NELL2: variants seen among roughly 807,000 people sequenced by gnomAD.
NELL2 encodes the protein neural EGFL like 2.
Under a neutral mutation model 109.6 loss-of-function variants are expected in NELL2, and 41 were observed. That is an observed-to-expected ratio of 0.37 (90% CI 0.29 to 0.49). NELL2 has a LOEUF of 0.49. NELL2 is among the 20% of genes least tolerant of loss of function. NELL2 has a pLI of 0.98. For missense variants in NELL2, 900 were observed against 1,008.3 expected (o/e 0.89, Z 1.45); for synonymous variants, 355 against 344.7 (o/e 1.03, Z -0.33).
intron 9 of NELL2, among the ~76,000 whole-genome samples, chr12:44,767,743 A>G (rs1941394102): frequency 6.6e-6 from 1 of 152,166 alleles, no homozygotes. Flanking sequence ...ACAAAAAAAC[A>G]AAGTTCAGGA....
intron 19 of NELL2, among the ~76,000 whole-genome samples, chr12:44,512,735 A>ATG (rs1342090638): frequency 6.6e-6 from 1 of 152,086 alleles, no homozygotes; most frequent in African/African-American, 2.4e-5. Context: ...TACATACTAC[A>ATG]TGTTCTCTCT....
At chr12:44,519,484 T>C (rs1941421196) in intron 19 of NELL2, among the ~76,000 whole-genome samples, 1 of 152,206 alleles carries the variant, frequency 6.6e-6, no homozygotes, top group Non-Finnish European at 1.5e-5. Context: ...GAATAAAATA[T>C]GGTAAAAAAC....
Position 44,523,366 on chromosome 12 carries a change from G to C in NELL2, c.1923C>G (p.Ile641Met), listed in dbSNP as rs760778711. The change falls in exon 17 of 20, where the codon ATC becomes ATG. Residue 641 changes from isoleucine to methionine, a missense_variant. By Grantham distance (10) the Ile-to-Met change is conservative (BLOSUM62 1). Coordinates refer to ENST00000429094, the MANE Select transcript of NELL2 (RefSeq NM_001145108.2). ...PHGKNCTGDC[I>M]HDGKVKHNGQ... ...CATTGTGCTTAACTTTTCCATCATGGATGCAGTCCCCTGTGCAATTCTTTC... is the reference window on the plus strand; with the variant it reads ...CATTGTGCTTAACTTTTCCATCATGCATGCAGTCCCCTGTGCAATTCTTTC... The C allele has an allele frequency of 1.9e-6, 3 of 1,614,100 alleles. No individual in the cohort carries two copies.
chr12:44,876,465 C>G, upstream of NELL2: 1 of 1,298,680 alleles, frequency 7.7e-7, no homozygotes, highest in Non-Finnish European at 9.8e-7. Context: ...GGATGCCAAA[C>G]CCGGTCTAGG....
chr12:44,535,682 T>G lies in NELL2; in HGVS notation c.1664-2961A>C, dbSNP rs560154025. Among the ~76,000 whole-genome samples, 139 of 152,070 alleles carry G rather than the reference T, an allele frequency of 9.1e-4. 1 individual carries two copies. Among genetic ancestry groups the G allele is most frequent in the South Asian group, 8.3e-4 (4 of 4,824 alleles). ...TACATATTTATTTTTCTGAATTAGTTCAATTTGTAGCAACTGAGACTTATA... is the reference window on the plus strand; with the variant it reads ...TACATATTTATTTTTCTGAATTAGTGCAATTTGTAGCAACTGAGACTTATA... On this transcript the variant is annotated intron_variant, in intron 15 of 19. Coordinates refer to ENST00000429094, the MANE Select transcript of NELL2 (RefSeq NM_001145108.2).
At chr12:44,847,162 T>C (rs1944395824) in intron 2 of NELL2, among the ~76,000 whole-genome samples, 1 of 152,192 alleles carries the variant, frequency 6.6e-6, no homozygotes, top group South Asian at 2.1e-4. Flanking sequence ...AAGGGACTCA[T>C]TATTACCATG....
At chr12:44,744,478 CA>C (rs1319439534) in intron 9 of NELL2, among the ~76,000 whole-genome samples, 29 of 152,020 alleles carry the variant, frequency 1.9e-4, no homozygotes, top group Admixed American at 5.9e-4. Flanking sequence ...AATAGAGACA[CA>C]AAAAACCCTT....
chr12:44,875,612 G>A (rs1945294942), intron 1 of NELL2: 1 of 1,612,232 alleles, frequency 6.2e-7, no homozygotes, highest in Non-Finnish European at 8.5e-7. Flanking sequence ...CTCCGACCCT[G>A]GACTAGGGGC....
chr12:44,578,671 A>G (rs2097857855), intron 15 of NELL2, among the ~76,000 whole-genome samples: 1 of 151,842 alleles, frequency 6.6e-6, no homozygotes, highest in African/African-American at 2.4e-5. Flanking sequence ...AGGAGAGAGT[A>G]ATGTGTGCCA....
At chr12:44,619,376 A>G (rs1360193382) in intron 13 of NELL2, among the ~76,000 whole-genome samples, 1 of 152,182 alleles carries the variant, frequency 6.6e-6, no homozygotes, top group Non-Finnish European at 1.5e-5. Context: ...CAGCTGTAGA[A>G]GAAAAGGTGG....
chr12:44,899,451 C>T (rs1021114391), intron 1 of NELL2, among the ~76,000 whole-genome samples: 10 of 152,192 alleles, frequency 6.6e-5, no homozygotes, highest in Middle Eastern at 3.4e-3. Context: ...AGAGTGGGGG[C>T]CAATATTCAA....
At position 44,861,912 on chromosome 12, in the gene NELL2, G is replaced by A. The variant is rs182819717; in HGVS notation, c.184+13313C>T. On this transcript the variant is annotated intron_variant, in intron 2 of 19. Coordinates refer to ENST00000429094, the MANE Select transcript of NELL2 (RefSeq NM_001145108.2). ...AGCCAGTCTGCAAAGACTAGAATAAGTCCCTACTCCTTCAAATGCACTGAC... is the reference window on the plus strand; with the variant it reads ...AGCCAGTCTGCAAAGACTAGAATAAATCCCTACTCCTTCAAATGCACTGAC... Among the ~76,000 whole-genome samples, 12 of 152,302 alleles carry A rather than the reference G, an allele frequency of 7.9e-5. No homozygotes were observed. The East Asian group carries it at 2.1e-3, about 27-fold the overall frequency.
intron 9 of NELL2, among the ~76,000 whole-genome samples, chr12:44,767,831 G>A (rs1023250051): frequency 1.3e-5 from 2 of 152,086 alleles, no homozygotes; most frequent in Non-Finnish European, 2.9e-5. Context: ...TCATCTGGAG[G>A]GAAACACAAA....
intron 10 of NELL2, among the ~76,000 whole-genome samples, chr12:44,711,805 A>G (rs1217093193): frequency 3.3e-5 from 5 of 152,074 alleles, no homozygotes; most frequent in African/African-American, 9.7e-5. Flanking sequence ...GTTTTCTTAT[A>G]AAGTTTTATT....
At chr12:44,581,556 T>C (rs1944322302) in intron 15 of NELL2, among the ~76,000 whole-genome samples, 1 of 152,170 alleles carries the variant, frequency 6.6e-6, no homozygotes, top group Non-Finnish European at 1.5e-5. Context: ...AAAGTAACTT[T>C]TAACACTTAA....
chr12:44,685,396 A>G (rs1361794383), intron 12 of NELL2, among the ~76,000 whole-genome samples: 3 of 151,990 alleles, frequency 2.0e-5, no homozygotes, highest in Non-Finnish European at 2.9e-5. Flanking sequence ...TTTTAATTGC[A>G]GCATTTAGTC....
intron 9 of NELL2, among the ~76,000 whole-genome samples, chr12:44,752,402 C>T (rs571818195): frequency 9.9e-5 from 15 of 152,218 alleles, no homozygotes; most frequent in African/African-American, 3.1e-4. Context: ...CATACAGTAT[C>T]TCATTTAAGC....
At chr12:44,627,087 G>C (rs1795428382) in intron 13 of NELL2, among the ~76,000 whole-genome samples, 1 of 152,080 alleles carries the variant, frequency 6.6e-6, no homozygotes, top group African/African-American at 2.4e-5. Context: ...CTGTAACAGG[G>C]TAAATGACAC....
At chr12:44,580,682 T>C (rs1048145726) in intron 15 of NELL2, among the ~76,000 whole-genome samples, 1 of 152,098 alleles carries the variant, frequency 6.6e-6, no homozygotes, top group Non-Finnish European at 1.5e-5. Context: ...TACTGCACTC[T>C]AGCCTGGGTG....
Sources: gnomAD v4.1 joint callset for allele counts (sites outside exome capture counted in the v4.1 genomes callset) on GRCh38, gnomAD v4.1.1 for gene constraint, MANE v1.5 for transcripts, NCBI Gene and HGNC (gene_info 2026-07-23, HGNC 2026-07-21) for gene names.